Variants in DNAH3 observed in about 807,000 individuals in gnomAD.
DNAH3 encodes dynein axonemal heavy chain 3.
Under a neutral mutation model 432.5 loss-of-function variants are expected in DNAH3, and 332 were observed. That is an observed-to-expected ratio of 0.77 (90% confidence interval 0.70 to 0.84). The LOEUF is 0.84. DNAH3 is among the 40% of genes least tolerant of loss of function. The probability of loss-of-function intolerance (pLI) is 0.00; values close to 1 mark genes in which losing one functional copy is unlikely to be tolerated. For synonymous variants in DNAH3, 1,956 were observed against 1,900.2 expected, an observed-to-expected ratio of 1.03 and a Z score of -0.76; for missense variants, 4,861 against 5,114.0, an observed-to-expected ratio of 0.95 and a Z score of 1.51.
At chr16:21,033,986 C>T (rs756737026) in exon 36 of DNAH3, 102 of 1,613,150 alleles carry the variant, frequency 6.3e-5, no homozygotes, top group Non-Finnish European at 7.2e-5. Flanking sequence ...GCGTGTAAAT[C>T]GCCGAGAGCT....
intron 55 of DNAH3, among the ~76,000 whole-genome samples, chr16:20,953,417 C>T (rs773223201): frequency 6.6e-6 from 1 of 152,228 alleles, no homozygotes; most frequent in Admixed American, 6.5e-5. Flanking sequence ...CCTCGGCCTC[C>T]CAAAGTGCTG....
At chr16:21,136,203 C>T in intron 6 of DNAH3, 121 bp downstream of exon 7, 2 of 936,066 alleles carry the variant, frequency 2.1e-6, no homozygotes, top group Non-Finnish European at 3.2e-6. Context: ...TGCTTGAGCC[C>T]AGGAGTTCCA....
At chr16:21,075,696 T>C in intron 20 of DNAH3, 135 bp from the exon 21 acceptor site, 1 of 701,376 alleles carries the variant, frequency 1.4e-6, no homozygotes. Flanking sequence ...GAAGATTGCT[T>C]GAGGTCGGGA....
rs528024308 is a variant in DNAH3 at position 20,987,110 on chromosome 16, C to A, written c.7026+195G>T. On this transcript the variant is annotated intron_variant, in intron 47 of 61. Coordinates refer to ENST00000261383, the Ensembl canonical transcript of DNAH3. Reference sequence around the variant, plus strand: ...TGAGTGGATTCAAACTTATATGTTACAACAGAAGGGAAGCAAAGTTGGACC... The same window carrying A: ...TGAGTGGATTCAAACTTATATGTTAAAACAGAAGGGAAGCAAAGTTGGACC... Among the ~76,000 whole-genome samples the A allele has an allele frequency of 1.7e-3, 260 of 152,220 alleles. 3 individuals are homozygous for A. The highest frequency in any genetic ancestry group is 5.6e-3 in the African/African-American group (233 of 41,534).
At chr16:21,029,927 G>C (rs2088787037) in intron 37 of DNAH3, among the ~76,000 whole-genome samples, 1 of 152,078 alleles carries the variant, frequency 6.6e-6, no homozygotes, top group African/African-American at 2.4e-5. Context: ...AGACTCAAGG[G>C]ATCCTCACAC....
chr16:20,966,014 A>ATTTTTTTT lies in DNAH3; in HGVS notation c.8459-597_8459-590dup, dbSNP rs555983378. ...AGGCCTGAGCCACCATGCCCAGCCA[A>ATTTTTTTT]TTTTTTTTTTTTTTTTTTTTTTTTT... On this transcript the variant is annotated intron_variant, in intron 52 of 61. Transcript: ENST00000261383. Among the ~76,000 whole-genome samples, 75 of 48,374 alleles carry ATTTTTTTT rather than the reference A, an allele frequency of 1.6e-3. 7 individuals are homozygous for ATTTTTTTT. Among genetic ancestry groups the ATTTTTTTT allele is most frequent in the African/African-American group, 4.9e-3 (60 of 12,140 alleles). The allele number at this position is 48,374 out of a possible 152,430, so 31.7% of individuals were successfully genotyped here.
At chr16:21,091,153 A>AAATAAT (rs565242988) in intron 18 of DNAH3, among the ~76,000 whole-genome samples, 10 of 152,008 alleles carry the variant, frequency 6.6e-5, no homozygotes, top group Non-Finnish European at 1.3e-4. Flanking sequence ...ACCCCATCTC[A>AAATAAT]AATAATAATA....
intron 28 of DNAH3, 143 bp from the exon 29 acceptor site, chr16:21,052,011 C>T (rs533301809): frequency 9.0e-6 from 6 of 667,848 alleles, no homozygotes; most frequent in East Asian, 8.9e-5. Context: ...TTATTTTTTG[C>T]GATGGAGTCT....
intron 50 of DNAH3, among the ~76,000 whole-genome samples, chr16:20,978,882 A>T (rs544479322): frequency 6.6e-6 from 1 of 152,048 alleles, no homozygotes; most frequent in Admixed American, 6.6e-5. Flanking sequence ...AGGCTCAAAG[A>T]AGTGAAATAA....
intron 13 of DNAH3, 90 bp from the exon 14 acceptor site, chr16:21,111,894 T>C (rs989559705): frequency 6.5e-7 from 1 of 1,550,174 alleles, no homozygotes; most frequent in African/African-American, 1.4e-5. Flanking sequence ...CCTAGTCCAA[T>C]GCTGAGCATG....
intron 7 of DNAH3, among the ~76,000 whole-genome samples, chr16:21,131,476 G>A (rs183135722): frequency 0.44 from 32,195 of 73,808 alleles, 3,874 homozygotes; most frequent in South Asian, 0.52. Flanking sequence ...AGGAAGGAAG[G>A]AAGAAAGAAA....
At chr16:20,997,418 G>A (rs753744795) in exon 44 of DNAH3, 4 of 1,614,186 alleles carry the variant, frequency 2.5e-6, no homozygotes, top group Non-Finnish European at 3.4e-6. Context: ...AGCTCGATGG[G>A]TGGCTGGGCC....
chr16:21,079,440 A>G (rs1465903767), intron 20 of DNAH3, among the ~76,000 whole-genome samples: 4 of 152,080 alleles, frequency 2.6e-5, no homozygotes. Flanking sequence ...CCTGACCAAC[A>G]TGATGAAACC....
chr16:21,098,494 C>T, intron 17 of DNAH3, 122 bp downstream of exon 17: 2 of 942,168 alleles, frequency 2.1e-6, no homozygotes, highest in Non-Finnish European at 3.0e-6. Flanking sequence ...AAAGAACTGG[C>T]CAATGAGTTA....
intron 56 of DNAH3, among the ~76,000 whole-genome samples, chr16:20,951,886 G>C (rs2084331913): frequency 6.6e-6 from 1 of 151,890 alleles, no homozygotes; most frequent in Non-Finnish European, 1.5e-5. Flanking sequence ...TGGGACTACA[G>C]GCACTGGCCA....
intron 54 of DNAH3, among the ~76,000 whole-genome samples, chr16:20,956,600 T>A (rs908979270): frequency 1.3e-5 from 2 of 152,200 alleles, no homozygotes; most frequent in African/African-American, 2.4e-5. Flanking sequence ...ATAAATAACT[T>A]TTTCTTCTTT....
chr16:21,152,037 C>G (rs973759961), intron 1 of DNAH3, among the ~76,000 whole-genome samples: 1 of 152,022 alleles, frequency 6.6e-6, no homozygotes. Flanking sequence ...GAGTTTGAGA[C>G]CAGCTTGGCC....
intron 54 of DNAH3, 109 bp downstream of exon 54, chr16:20,959,070 G>A (rs779546899): frequency 2.1e-5 from 25 of 1,172,298 alleles, no homozygotes; most frequent in Admixed American, 3.8e-5. Context: ...GCCTGGCCTA[G>A]ACTGAAAGTT....
In DNAH3 at chr16:20,964,021, T is replaced by C; in HGVS notation, c.9863A>G (p.Asp3288Gly). 16 of 1,614,172 alleles carry C rather than the reference T, an allele frequency of 9.9e-6. No individual in the cohort carries two copies. The highest frequency in any genetic ancestry group is 1.4e-5 in the Non-Finnish European group (16 of 1,180,032). ...TGGCTTGTAGCCCATCCGAGTCTCG[T>C]CAATCTGCGTTTCTGTCATGGAAGC... The change falls in exon 53 of 62, where the codon GAC becomes GGC. Residue 3288 changes from aspartate (D) to glycine (G), a missense_variant. Transcript: ENST00000261383.
Sources: gnomAD v4.1 joint callset for allele counts (sites outside exome capture counted in the v4.1 genomes callset) on GRCh38, gnomAD v4.1.1 for gene constraint, MANE v1.5 for transcripts, NCBI Gene and HGNC (gene_info 2026-07-23, HGNC 2026-07-21) for gene names.